The following MDGA2 variants were observed in gnomAD, a reference collection of about 807,000 sequenced individuals.
MDGA2 encodes MAM domain containing glycosylphosphatidylinositol anchor 2.
In MDGA2, 40 loss-of-function variants were observed where a neutral mutation model predicts 117.8. The observed-to-expected ratio is 0.34, with a 90% CI of 0.26 to 0.44. MDGA2 has a LOEUF of 0.44. Among genes scored for constraint, MDGA2 ranks in the 20% least tolerant of loss-of-function variants. MDGA2 has a pLI of 1.00. For missense variants in MDGA2, 1,123 were observed against 1,250.6 expected (o/e 0.90, Z 1.54); for synonymous variants, 452 against 439.0 (o/e 1.03, Z -0.37).
intron 1 of MDGA2, among the ~76,000 whole-genome samples, chr14:47,549,590 GTTCC>G (rs1255112600): frequency 6.6e-6 from 1 of 152,036 alleles, no homozygotes; most frequent in Admixed American, 6.6e-5. Context: ...ACAAAATTAA[GTTCC>G]TTCCAAAATT....
chr14:47,082,383 T>A (rs1387771219), intron 6 of MDGA2, among the ~76,000 whole-genome samples: 1 of 150,926 alleles, frequency 6.6e-6, no homozygotes, highest in African/African-American at 2.4e-5. Context: ...TTCTTTCAAG[T>A]CATTGTCTAT....
At chr14:46,941,139 C>A (rs558698276) in intron 9 of MDGA2, among the ~76,000 whole-genome samples, 20 of 152,266 alleles carry the variant, frequency 1.3e-4, no homozygotes, top group South Asian at 6.2e-4. Context: ...TGGACTGGAT[C>A]TGACTGCAAA....
At chr14:47,665,943 C>T (rs182461055) in intron 1 of MDGA2, among the ~76,000 whole-genome samples, 25 of 151,616 alleles carry the variant, frequency 1.6e-4, no homozygotes, top group South Asian at 8.4e-4. Flanking sequence ...CTGAGGAGTG[C>T]GGGCGCACCA....
rs71112467 is a variant in MDGA2 at position 46,864,545 on chromosome 14, G to GTTTTTT, written c.2752+8882_2752+8887dup. Among the ~76,000 whole-genome samples, 43 of 51,474 alleles carry GTTTTTT rather than the reference G, an allele frequency of 8.4e-4. 3 individuals carry two copies. Among genetic ancestry groups the GTTTTTT allele is most frequent in the African/African-American group, 2.1e-3 (36 of 16,856 alleles). 33.8% of individuals were successfully genotyped at this position (51,474 alleles called of 152,430 possible). ...TTTGTTGCGCTTTGCAGATATTGCT[G>GTTTTTT]TTTTTTTTTTTTTTTTTTTTTTTTT... is the stretch of plus-strand genomic sequence containing the variant. On this transcript the variant is annotated intron_variant, in intron 14 of 16. Coordinates refer to ENST00000399232, the MANE Select transcript of MDGA2 (RefSeq NM_001113498.3).
rs200147753 is a variant in MDGA2, at chr14:47,053,622, T to C, written c.1525+7627A>G. ...ATGTGTATATATATATATATATATATATATATATATATATATATATATATA... is the reference window on the plus strand; with the variant it reads ...ATGTGTATATATATATATATATATACATATATATATATATATATATATATA... On this transcript the variant is annotated intron_variant, in intron 7 of 16. Coordinates refer to ENST00000399232, the MANE Select transcript of MDGA2 (RefSeq NM_001113498.3). 8.1e-3 allele frequency among the ~76,000 whole-genome samples: 293 copies of C among 35,976 alleles called. 11 individuals carry two copies. Among genetic ancestry groups the C allele is most frequent in the Middle Eastern group, 0.012 (1 of 84 alleles). 23.6% of individuals were successfully genotyped at this position (35,976 alleles called of 152,430 possible).
rs183359604 is a variant in MDGA2, at chr14:47,488,019, C to T, written c.281-186469G>A. On this transcript the variant is annotated intron_variant, in intron 1 of 16. Transcript: ENST00000399232. ...GAATGGTTTTTTGAATGCAGGCTGT[C>T]TTGTAGGAACTATTTAATGCTACAC... Among the ~76,000 whole-genome samples the T allele has an allele frequency of 3.9e-5, 6 of 152,194 alleles. No homozygotes were observed. The East Asian group carries it at 1.2e-3, about 29-fold the overall frequency.
intron 2 of MDGA2, among the ~76,000 whole-genome samples, chr14:47,270,757 CTGTA>C (rs1415166969): frequency 2.0e-5 from 3 of 151,950 alleles, no homozygotes; most frequent in South Asian, 2.1e-4. Flanking sequence ...TTGGAATAGG[CTGTA>C]TGTAAGCGTG....
intron 1 of MDGA2, among the ~76,000 whole-genome samples, chr14:47,483,724 A>G (rs1415697627): frequency 6.6e-6 from 1 of 151,898 alleles, no homozygotes; most frequent in Non-Finnish European, 1.5e-5. Flanking sequence ...TCCCACAAGT[A>G]CTCCTCTCTA....
At chr14:47,394,552 TG>T (rs1891966322) in intron 1 of MDGA2, among the ~76,000 whole-genome samples, 1 of 152,182 alleles carries the variant, frequency 6.6e-6, no homozygotes, top group Non-Finnish European at 1.5e-5. Flanking sequence ...ACTACTGTAT[TG>T]CTTTCTGAAT....
At chr14:46,978,373 T>C (rs1886547380) in intron 8 of MDGA2, among the ~76,000 whole-genome samples, 1 of 151,988 alleles carries the variant, frequency 6.6e-6, no homozygotes, top group African/African-American at 2.4e-5. Flanking sequence ...TTAACATATA[T>C]GCTAATATTG....
At chr14:46,997,743 G>GT (rs2138465496) in intron 8 of MDGA2, among the ~76,000 whole-genome samples, 1 of 152,292 alleles carries the variant, frequency 6.6e-6, no homozygotes, top group South Asian at 2.1e-4. Flanking sequence ...AGGAAGAAAT[G>GT]TGACTACATT....
chr14:47,469,172 A>G (rs1047251553), intron 1 of MDGA2, among the ~76,000 whole-genome samples: 3 of 151,486 alleles, frequency 2.0e-5, no homozygotes, highest in Admixed American at 2.0e-4. Context: ...TTTTTTTATT[A>G]TTCTTTAAGT....
chr14:47,540,302 C>T (rs1451760310), intron 1 of MDGA2, among the ~76,000 whole-genome samples: 2 of 151,838 alleles, frequency 1.3e-5, no homozygotes, highest in Non-Finnish European at 1.5e-5. Flanking sequence ...CGTGGGCCAC[C>T]GTGCCCGGCC....
At chr14:47,131,872 G>A in intron 4 of MDGA2, 26 bp from the exon 5 acceptor site, 2 of 1,511,456 alleles carry the variant, frequency 1.3e-6, no homozygotes, top group Non-Finnish European at 1.8e-6. Context: ...AAAAATAAAA[G>A]TCATTAGAAA....
intron 1 of MDGA2, among the ~76,000 whole-genome samples, chr14:47,402,250 G>C (rs1566770375): frequency 2.0e-5 from 3 of 151,044 alleles, no homozygotes; most frequent in East Asian, 4.0e-4. Context: ...AAGTGGTATT[G>C]TTACTACTAT....
chr14:47,214,579 C>T lies in MDGA2; in HGVS notation c.595+3442G>A, dbSNP rs188852272. Among the ~76,000 whole-genome samples, 137 of 151,966 alleles carry T rather than the reference C, an allele frequency of 9.0e-4. 4 individuals are homozygous for T. In the East Asian group the frequency reaches 0.025, roughly 28 times the overall value. ...TTTAGAAAATTATGTGGGAAAAAGTCGCCAATAAAGATACATAAACTTTCT... is the reference window on the plus strand; with the variant it reads ...TTTAGAAAATTATGTGGGAAAAAGTTGCCAATAAAGATACATAAACTTTCT... On this transcript the variant is annotated intron_variant, in intron 3 of 16. Coordinates refer to ENST00000399232, the MANE Select transcript of MDGA2 (RefSeq NM_001113498.3).
intron 9 of MDGA2, among the ~76,000 whole-genome samples, chr14:46,955,039 GA>G (rs1465144612): frequency 1.3e-5 from 2 of 151,944 alleles, no homozygotes; most frequent in Non-Finnish European, 2.9e-5. Flanking sequence ...GTCATGCCAT[GA>G]AAAAATAAGC....
chr14:47,610,541 G>T (rs1896828357), intron 1 of MDGA2, among the ~76,000 whole-genome samples: 1 of 151,764 alleles, frequency 6.6e-6, no homozygotes, highest in African/African-American at 2.4e-5. Context: ...ATCAAATCAA[G>T]AACTCAACCC....
intron 1 of MDGA2, among the ~76,000 whole-genome samples, chr14:47,648,418 T>A (rs1440986976): frequency 6.6e-6 from 1 of 152,154 alleles, no homozygotes; most frequent in Non-Finnish European, 1.5e-5. Context: ...TATATGCCAT[T>A]TGAAGACAAA....
Sources: allele counts gnomAD v4.1 joint callset (sites outside exome capture counted in the v4.1 genomes callset), GRCh38; gene constraint gnomAD v4.1.1; transcripts MANE v1.5; gene names NCBI Gene and HGNC (gene_info 2026-07-23, HGNC 2026-07-21).